DNAH17: variants seen among roughly 807,000 people sequenced by gnomAD.
DNAH17 encodes the protein dynein axonemal heavy chain 17.
Under a neutral mutation model 485.6 loss-of-function variants are expected in DNAH17, and 376 were observed. The observed-to-expected ratio is 0.77, with a 90% confidence interval of 0.71 to 0.84. The LOEUF is 0.84. DNAH17 is among the 40% of genes least tolerant of loss of function. The pLI, the probability that DNAH17 is intolerant of heterozygous loss-of-function variation, is 0.00. For synonymous variants in DNAH17, 3,031 were observed against 2,405.9 expected (o/e 1.26, Z -7.60); for missense variants, 6,370 against 5,839.3 (o/e 1.09, Z -2.96).
intron 22 of DNAH17, among the ~76,000 whole-genome samples, chr17:78,527,470 T>TA (rs1247240495): frequency 6.6e-6 from 1 of 152,152 alleles, no homozygotes; most frequent in African/African-American, 2.4e-5. Flanking sequence ...CCAGAGAATG[T>TA]ACTCACCTTT....
chr17:78,450,027 G>T, intron 68 of DNAH17: 1 of 569,706 alleles, frequency 1.8e-6, no homozygotes, highest in Non-Finnish European at 3.1e-6. Flanking sequence ...CAGGGGAAGA[G>T]CAGGGAGGAG....
chr17:78,457,657 CTTTTT>C (rs71160297), intron 62 of DNAH17, among the ~76,000 whole-genome samples: 10 of 66,784 alleles, frequency 1.5e-4, no homozygotes, highest in South Asian at 6.1e-4. Flanking sequence ...CCGTGCCTGG[CTTTTT>C]TTTTTTTTTT....
intron 19 of DNAH17, among the ~76,000 whole-genome samples, chr17:78,536,693 GGACT>G (rs2091383210): frequency 6.6e-6 from 1 of 151,298 alleles, no homozygotes; most frequent in Non-Finnish European, 1.5e-5. Flanking sequence ...AAAAATTACA[GGACT>G]GAGTGAACAG....
At chr17:78,519,061 G>A (rs867777730) in intron 25 of DNAH17, among the ~76,000 whole-genome samples, 86 of 151,044 alleles carry the variant, frequency 5.7e-4, no homozygotes, top group African/African-American at 1.9e-3. Flanking sequence ...CCAGATACTC[G>A]GGAGGCTGAG....
chr17:78,507,016 C>T (rs1487918564), intron 29 of DNAH17, among the ~76,000 whole-genome samples, 170 bp from the exon 30 acceptor site: 1 of 152,138 alleles, frequency 6.6e-6, no homozygotes, highest in Non-Finnish European at 1.5e-5. Context: ...TCTTTGCCAT[C>T]CCCTGACCTT....
rs187638146 is a variant in DNAH17 at position 78,571,555 on chromosome 17, G to A, written c.732+35C>T. 7.7e-4 allele frequency: 1,248 copies of A among 1,611,342 alleles called. 6 individuals are homozygous for A. The highest frequency in any genetic ancestry group is 6.3e-3 in the Middle Eastern group (37 of 5,906). ...CTCGGCCCGGTCGCCCAGCTGGGACGAGGCTGCAGCCCCACAGGAGAGAGG... is the reference window on the plus strand; with the variant it reads ...CTCGGCCCGGTCGCCCAGCTGGGACAAGGCTGCAGCCCCACAGGAGAGAGG... On this transcript the variant is annotated intron_variant, in intron 4 of 80. Transcript: ENST00000389840.
chr17:78,495,753 G>A, intron 38 of DNAH17, 122 bp downstream of exon 38: 2 of 1,236,040 alleles, frequency 1.6e-6, no homozygotes, highest in Non-Finnish European at 2.2e-6. Context: ...GGGAGCTTTT[G>A]ATGACTTCTT....
At chr17:78,475,180 C>T (rs1568111506) in intron 54 of DNAH17, 98 bp downstream of exon 54, 1 of 1,351,458 alleles carries the variant, frequency 7.4e-7, no homozygotes, top group African/African-American at 1.5e-5. Flanking sequence ...GCTCGGATTC[C>T]CTGTACTCGC....
At chr17:78,525,556 G>A (rs1055804081) in intron 24 of DNAH17, among the ~76,000 whole-genome samples, 41 of 152,234 alleles carry the variant, frequency 2.7e-4, no homozygotes, top group African/African-American at 6.0e-4. Flanking sequence ...GGAAAAATCC[G>A]TAGTGTCCTC....
chr17:78,528,791 T>C (rs901981135), intron 22 of DNAH17, among the ~76,000 whole-genome samples: 1 of 152,060 alleles, frequency 6.6e-6, no homozygotes, highest in African/African-American at 2.4e-5. Flanking sequence ...CGCTATCAAG[T>C]GCTGTGCAAA....
Position 78,532,598 on chromosome 17 carries a change from C to T in DNAH17, c.2998G>A (p.Glu1000Lys). ...YSYLWTDNLQ[E>K]FMKNFLIYGC... ...TATATCAGGAAATTCTTCATAAACT[C>T]CTGCAGGTTGTCCGTCCAGAGGTAG... Residue 1000 changes from glutamate (E) to lysine (K), a missense_variant, in exon 20 of 81, where the codon GAG becomes AAG. Glu to Lys is a moderately conservative substitution (Grantham distance 56, BLOSUM62 1). Transcript: ENST00000389840. 1 of 1,608,262 alleles carries T rather than the reference C, an allele frequency of 6.2e-7. No individual in the cohort carries two copies. Among genetic ancestry groups the T allele is most frequent in the Admixed American group, 1.7e-5 (1 of 59,160 alleles).
chr17:78,503,344 A>ATTTTTT (rs34437723), intron 31 of DNAH17, among the ~76,000 whole-genome samples: 52 of 129,384 alleles, frequency 4.0e-4, no homozygotes, highest in South Asian at 7.8e-4. Context: ...CACTCCCGGC[A>ATTTTTT]TTTTTTTTTT....
chr17:78,515,158 G>A (rs576851518), intron 25 of DNAH17, 136 bp from the exon 26 acceptor site: 13 of 1,032,238 alleles, frequency 1.3e-5, no homozygotes, highest in Non-Finnish European at 1.8e-5. Flanking sequence ...CCCGAGATCA[G>A]TAAAGTGATT....
Position 78,478,820 on chromosome 17 carries a change from C to T in DNAH17, c.7992+205G>A, listed in dbSNP as rs549915336. On this transcript the variant is annotated intron_variant, in intron 51 of 80. Coordinates refer to ENST00000389840, the MANE Select transcript of DNAH17 (RefSeq NM_173628.4). ...ATCACTACCACCATCATCACATCAC[C>T]ATCATCACGACCATCACCATTACCA... The T allele has an allele frequency of 5.5e-6, 3 of 549,266 alleles. No individual in the cohort carries two copies. In the East Asian group the frequency reaches 9.1e-5, roughly 17 times the overall value. The allele number at this position is 549,266 out of a possible 1,614,324, so 34.0% of individuals were successfully genotyped here. A position where few individuals can be genotyped will look rare whatever the true frequency, so the allele number is the denominator to read the frequency against.
chr17:78,472,988 C>A (rs997498562), intron 54 of DNAH17, among the ~76,000 whole-genome samples: 8 of 152,204 alleles, frequency 5.3e-5, no homozygotes, highest in African/African-American at 7.2e-5. Context: ...GGCACACTGT[C>A]CTCCAGGGTC....
At chr17:78,458,531 G>A (rs1421570361) in intron 62 of DNAH17, 34 bp downstream of exon 62, 1 of 1,569,994 alleles carries the variant, frequency 6.4e-7, no homozygotes, top group African/African-American at 1.4e-5. Context: ...GGGGGTCTGA[G>A]AGCAGGAGGG....
chr17:78,450,548 C>T lies in DNAH17; in HGVS notation c.10899+134G>A. ...CAGGATGGGAGCCCAGACCCCTTCTCCTGCCCTGGGCCCACTCGGGCACGT... is the reference window on the plus strand; with the variant it reads ...CAGGATGGGAGCCCAGACCCCTTCTTCTGCCCTGGGCCCACTCGGGCACGT... On this transcript the variant is annotated intron_variant, in intron 67 of 80. Transcript: ENST00000389840. The T allele has an allele frequency of 2.1e-6, 3 of 1,420,900 alleles. No homozygotes were observed. The South Asian group carries it at 4.0e-5, about 19-fold the overall frequency. 88.0% of individuals were successfully genotyped at this position (1,420,900 alleles called of 1,614,324 possible).
intron 77 of DNAH17, among the ~76,000 whole-genome samples, chr17:78,427,425 G>A (rs972207483): frequency 1.1e-4 from 16 of 152,198 alleles, no homozygotes; most frequent in African/African-American, 2.2e-4. Context: ...TGTAGCCAGC[G>A]GTTGAGGGAT....
chr17:78,542,853 C>T (rs376041653), intron 17 of DNAH17, among the ~76,000 whole-genome samples: 30 of 152,360 alleles, frequency 2.0e-4, no homozygotes, highest in African/African-American at 7.2e-4. Context: ...TGTTACTGTT[C>T]CCTACCCACA....
Sources: gnomAD v4.1 joint callset for allele counts (sites outside exome capture counted in the v4.1 genomes callset) on GRCh38, gnomAD v4.1.1 for gene constraint, MANE v1.5 for transcripts, NCBI Gene and HGNC (gene_info 2026-07-23, HGNC 2026-07-21) for gene names.